The following PARD3B variants were observed in gnomAD, a reference collection of about 807,000 sequenced individuals.
PARD3B encodes the protein partitioning defective 3 homolog B.
In PARD3B, 103 loss-of-function variants were observed where a neutral mutation model predicts 130.2. The observed-to-expected ratio is 0.79, with a 90% CI of 0.67 to 0.93. PARD3B has a LOEUF of 0.93. Ranked by LOEUF, PARD3B falls within the 40% of genes least tolerant of loss-of-function variation. PARD3B has a pLI of 0.00. For missense variants in PARD3B, 1,609 were observed against 1,499.2 expected, an observed-to-expected ratio of 1.07 and a Z score of -1.21; for synonymous variants, 583 against 553.2, an observed-to-expected ratio of 1.05 and a Z score of -0.76.
In PARD3B at chr2:204,663,458, A is replaced by C. The variant is rs1468238043; in HGVS notation, c.121-22723A>C. The stretch of plus-strand genomic sequence containing the variant: ...CAAAACACTTCTGGAACCTAAACTC[A>C]TACCTATTGTACTGATTTTTACCAG... On this transcript the variant is annotated intron_variant, in intron 1 of 22. Coordinates refer to ENST00000406610, the MANE Select transcript of PARD3B (RefSeq NM_001302769.2). Among the ~76,000 whole-genome samples, 6 of 152,376 alleles carry C rather than the reference A, an allele frequency of 3.9e-5. No individual in the cohort carries two copies. In the East Asian group the frequency reaches 1.2e-3, roughly 29 times the overall value.
chr2:205,217,406 G>C (rs1046342590), intron 15 of PARD3B, among the ~76,000 whole-genome samples: 1 of 152,196 alleles, frequency 6.6e-6, no homozygotes, highest in Admixed American at 6.5e-5. Context: ...TGATAAGAGA[G>C]CAATGTCCTG....
intron 16 of PARD3B, among the ~76,000 whole-genome samples, chr2:205,250,070 G>A (rs940512885): frequency 2.7e-4 from 41 of 151,842 alleles, no homozygotes; most frequent in African/African-American, 9.4e-4. Context: ...TTATTGTTAT[G>A]CTTTAATTTT....
chr2:205,292,001 G>A lies in PARD3B; in HGVS notation c.2186-8529G>A, dbSNP rs530876874. ...TGGAGACAGAGTGGTGTCAAAGGAG[G>A]GGCTGCTGGTGCCCTCAGGACCTCA... On this transcript the variant is annotated intron_variant, in intron 16 of 22. Coordinates refer to ENST00000406610, the MANE Select transcript of PARD3B (RefSeq NM_001302769.2). The surrounding 1 kb of genome is among the most constrained non-coding windows in gnomAD (Gnocchi z 5.3). Among the ~76,000 whole-genome samples, 4 of 152,290 alleles carry A rather than the reference G, an allele frequency of 2.6e-5. No individual in the cohort carries two copies. The highest frequency in any genetic ancestry group is 1.3e-4 in the Admixed American group (2 of 15,306).
chr2:204,552,101 A>T (rs528764404), intron 1 of PARD3B, among the ~76,000 whole-genome samples: 3 of 152,310 alleles, frequency 2.0e-5, no homozygotes, highest in African/African-American at 7.2e-5. Flanking sequence ...TTCAGATCCA[A>T]TGCTCTTCTG....
At chr2:204,629,599 G>A (rs2034610421) in intron 1 of PARD3B, among the ~76,000 whole-genome samples, 1 of 151,812 alleles carries the variant, frequency 6.6e-6, no homozygotes, top group Non-Finnish European at 1.5e-5. Context: ...TTTTCCAGTA[G>A]TATTACAGCT....
At chr2:205,554,308 T>G (rs139215303) in intron 22 of PARD3B, among the ~76,000 whole-genome samples, 1 of 152,314 alleles carries the variant, frequency 6.6e-6, no homozygotes, top group East Asian at 1.9e-4. Flanking sequence ...GAGTGACTGT[T>G]TGACATTGTA....
chr2:205,490,170 A>G (rs182984033), intron 20 of PARD3B, among the ~76,000 whole-genome samples: 2 of 152,000 alleles, frequency 1.3e-5, no homozygotes, highest in African/African-American at 2.4e-5. Context: ...CGTGCAGGTT[A>G]GTTACATATG....
intron 16 of PARD3B, among the ~76,000 whole-genome samples, chr2:205,286,049 A>G (rs978230847): frequency 6.6e-6 from 1 of 152,220 alleles, no homozygotes; most frequent in Admixed American, 6.5e-5. Flanking sequence ...ATGATGCATC[A>G]CAAGCTCCTT....
intron 1 of PARD3B, among the ~76,000 whole-genome samples, chr2:204,633,465 TATC>T (rs1449320754): frequency 6.6e-6 from 1 of 152,206 alleles, no homozygotes. Flanking sequence ...GTTAATTTAA[TATC>T]ATCCATTGGT....
At chr2:205,348,874 T>A (rs1052633365) in intron 18 of PARD3B, among the ~76,000 whole-genome samples, 9 of 152,082 alleles carry the variant, frequency 5.9e-5, no homozygotes, top group Admixed American at 3.3e-4. Flanking sequence ...TAAAGGATAA[T>A]AATAATAATA....
intron 16 of PARD3B, among the ~76,000 whole-genome samples, chr2:205,257,872 A>G (rs2105749833): frequency 6.6e-6 from 1 of 152,304 alleles, no homozygotes; most frequent in Non-Finnish European, 1.5e-5. Context: ...TAGTTTGAGC[A>G]AAGAGTCTCT....
intron 18 of PARD3B, among the ~76,000 whole-genome samples, chr2:205,329,963 T>C (rs13024952): frequency 0.88 from 132,792 of 151,454 alleles, 58,358 homozygotes; most frequent in Admixed American, 0.92. Context: ...CATTGCACTC[T>C]AGCCTGGACA....
At chr2:204,790,859 C>T (rs1426500170) in intron 2 of PARD3B, among the ~76,000 whole-genome samples, 1 of 152,106 alleles carries the variant, frequency 6.6e-6, no homozygotes, top group Non-Finnish European at 1.5e-5. Context: ...AATACCAGCC[C>T]TTTGGGAGGC....
At chr2:205,009,544 G>A (rs981333720) in intron 3 of PARD3B, among the ~76,000 whole-genome samples, 4 of 152,002 alleles carry the variant, frequency 2.6e-5, no homozygotes, top group Non-Finnish European at 4.4e-5. Flanking sequence ...GGTGGCGGGC[G>A]CCTGTAGTCC....
intron 15 of PARD3B, among the ~76,000 whole-genome samples, chr2:205,219,587 G>A (rs1486690965): frequency 9.6e-6 from 1 of 103,728 alleles, no homozygotes; most frequent in Non-Finnish European, 2.1e-5. Context: ...AGCACTTATT[G>A]TAGCCAAGAA....
chr2:205,383,138 A>AGATCGATCGATC (rs759620397), intron 18 of PARD3B, among the ~76,000 whole-genome samples: 3 of 138,442 alleles, frequency 2.2e-5, no homozygotes, highest in African/African-American at 8.5e-5. Flanking sequence ...ATAGATAGAT[A>AGATCGATCGATC]GATCGATCTA....
intron 11 of PARD3B, among the ~76,000 whole-genome samples, chr2:205,159,159 T>C (rs573045970): frequency 2.0e-5 from 3 of 152,224 alleles, no homozygotes; most frequent in Admixed American, 6.5e-5. Context: ...TTGCATACTT[T>C]TTATTACTGC....
At chr2:205,490,387 G>A (rs1400479898) in intron 20 of PARD3B, among the ~76,000 whole-genome samples, 1 of 151,962 alleles carries the variant, frequency 6.6e-6, no homozygotes, top group Non-Finnish European at 1.5e-5. Flanking sequence ...CCTGGCAATA[G>A]TTTGCTGAGA....
At chr2:205,264,581 A>G (rs891880434) in intron 16 of PARD3B, among the ~76,000 whole-genome samples, 4 of 151,216 alleles carry the variant, frequency 2.6e-5, no homozygotes, top group African/African-American at 9.7e-5. Flanking sequence ...ATGAGAACAT[A>G]GAAGTCATAC....
Sources: allele counts gnomAD v4.1 joint callset (sites outside exome capture counted in the v4.1 genomes callset), GRCh38; gene constraint gnomAD v4.1.1; non-coding constraint Gnocchi (gnomAD v3.1); transcripts MANE v1.5; gene names NCBI Gene and HGNC (gene_info 2026-07-23, HGNC 2026-07-21).